The following XPO7 variants were observed in gnomAD, a reference collection of about 807,000 sequenced individuals.
XPO7 encodes exportin-7.
XPO7 carries 21 observed loss-of-function variants against 144.3 expected under a neutral mutation model. The observed-to-expected ratio is 0.15, with a 90% CI of 0.10 to 0.21. The LOEUF (loss-of-function observed/expected upper bound fraction) is 0.21. Ranked by LOEUF, XPO7 falls within the 10% of genes least tolerant of loss-of-function variation. The pLI is 1.00. For synonymous variants in XPO7, 580 were observed against 499.6 expected (o/e 1.16, Z -2.15); for missense variants, 808 against 1,325.8 (o/e 0.61, Z 6.06).
chr8:21,974,209 T>C (rs1175803717), intron 5 of XPO7, among the ~76,000 whole-genome samples: 1 of 139,312 alleles, frequency 7.2e-6, no homozygotes, highest in African/African-American at 2.6e-5. Context: ...TTATTTTTAT[T>C]TTTTTTAGTT....
intron 21 of XPO7, among the ~76,000 whole-genome samples, chr8:21,996,439 C>T (rs1421867022): frequency 6.6e-6 from 1 of 152,058 alleles, no homozygotes; most frequent in Non-Finnish European, 1.5e-5. Context: ...AAAAGAATCT[C>T]CAGATGTCTA....
chr8:21,924,357 C>T (rs1478699912), intron 1 of XPO7, among the ~76,000 whole-genome samples: 1 of 151,982 alleles, frequency 6.6e-6, no homozygotes, highest in South Asian at 2.1e-4. Context: ...AAAGTGAATA[C>T]TCCTTACTAA....
At chr8:21,937,073 A>G (rs1810844205) in intron 1 of XPO7, among the ~76,000 whole-genome samples, 1 of 152,188 alleles carries the variant, frequency 6.6e-6, no homozygotes, top group African/African-American at 2.4e-5. Flanking sequence ...ATTATACCTT[A>G]TTTTTAATGC....
At chr8:22,002,616 C>G (rs1374780231) in intron 25 of XPO7, among the ~76,000 whole-genome samples, 1 of 151,724 alleles carries the variant, frequency 6.6e-6, no homozygotes, top group Non-Finnish European at 1.5e-5. Context: ...GGCTTGTGTT[C>G]CTGTTTACAA....
Position 21,985,568 on chromosome 8 carries a change from G to T in XPO7, c.1472-18G>T. The T allele has an allele frequency of 1.2e-6, 2 of 1,609,414 alleles. No individual in the cohort carries two copies. Among genetic ancestry groups the T allele is most frequent in the Non-Finnish European group, 1.7e-6 (2 of 1,175,768 alleles). On this transcript the variant is annotated intron_variant, in intron 12 of 27. Transcript: ENST00000252512. ...AAACTATCACTGGAGGTGACACTGG[G>T]TCTGTCTCCTGCTGCAGGAAGGCTG...
chr8:21,985,824 G>C, intron 13 of XPO7, 133 bp downstream of exon 13: 2 of 705,168 alleles, frequency 2.8e-6, no homozygotes, highest in South Asian at 3.5e-5. Flanking sequence ...CAAGGCTTTT[G>C]TAAGTGCCAT....
chr8:21,959,437 T>C (rs1811647083), intron 1 of XPO7, among the ~76,000 whole-genome samples: 1 of 152,194 alleles, frequency 6.6e-6, no homozygotes. Context: ...TTTGAGTAAC[T>C]TAAGTCATGC....
At chr8:22,004,957 CACT>C in intron 27 of XPO7, 35 bp from the exon 28 acceptor site, 1 of 1,158,772 alleles carries the variant, frequency 8.6e-7, no homozygotes, top group Non-Finnish European at 1.2e-6. Context: ...CTTTCCCCCC[CACT>C]CTCCTCCCCC....
At position 21,970,171 on chromosome 8, in the gene XPO7, C is replaced by G; in HGVS notation, c.287C>G (p.Thr96Ser). Reference protein sequence around the residue: ...IRNYVLNYLATRPKLATFVTQ... With the variant: ...IRNYVLNYLASRPKLATFVTQ... ...AACTATGTGCTCAACTACCTTGCCA[C>G]TCGGCCGAAGTTGGCTACTTTCGTG... The change falls in exon 4 of 28, where the codon ACT (threonine) becomes AGT (serine). Residue 96 changes from threonine to serine, a missense_variant. By Grantham distance (58) the Thr-to-Ser change is moderately conservative (BLOSUM62 1). Coordinates refer to ENST00000252512, the MANE Select transcript of XPO7 (RefSeq NM_015024.5). 4 of 1,613,260 alleles carry G rather than the reference C, an allele frequency of 2.5e-6. No individual in the cohort carries two copies. The highest frequency in any genetic ancestry group is 3.4e-6 in the Non-Finnish European group (4 of 1,179,622).
At chr8:21,965,307 A>C (rs909357930) in intron 1 of XPO7, among the ~76,000 whole-genome samples, 1 of 152,180 alleles carries the variant, frequency 6.6e-6, no homozygotes, top group African/African-American at 2.4e-5. Flanking sequence ...GGCAAGCATA[A>C]AAATGGCTTT....
At chr8:21,955,974 G>A (rs1321430488) in intron 1 of XPO7, among the ~76,000 whole-genome samples, 4 of 152,058 alleles carry the variant, frequency 2.6e-5, no homozygotes, top group South Asian at 4.1e-4. Context: ...TGATCCACCC[G>A]CCTCAGCCTC....
chr8:21,990,202 TCA>T, intron 16 of XPO7, 140 bp from the exon 17 acceptor site: 4 of 771,426 alleles, frequency 5.2e-6, no homozygotes, highest in Admixed American at 5.0e-5. Flanking sequence ...ATGCATTTTT[TCA>T]TATTTGGCAG....
chr8:21,995,661 A>T, intron 21 of XPO7, 62 bp downstream of exon 21: 1 of 1,322,894 alleles, frequency 7.6e-7, no homozygotes, highest in African/African-American at 1.5e-5. Flanking sequence ...AATTTGCTGT[A>T]TCTAGTGCTT....
chr8:21,966,245 A>G (rs774529612), intron 1 of XPO7: 2 of 776,228 alleles, frequency 2.6e-6, no homozygotes, highest in Non-Finnish European at 4.8e-6. Flanking sequence ...TTTGGAACCA[A>G]AGTAAGAGTT....
chr8:21,998,163 C>T (rs1011370271), intron 21 of XPO7, among the ~76,000 whole-genome samples: 6 of 152,170 alleles, frequency 3.9e-5, no homozygotes, highest in South Asian at 2.1e-4. Context: ...TAATCAAGGC[C>T]GGGCACGGTG....
chr8:21,957,230 A>G (rs906840070), intron 1 of XPO7, among the ~76,000 whole-genome samples: 10 of 152,170 alleles, frequency 6.6e-5, no homozygotes, highest in Non-Finnish European at 1.2e-4. Flanking sequence ...CAGGGTGCCC[A>G]TAGCTTCAGA....
chr8:22,003,813 A>T, intron 26 of XPO7, 90 bp from the exon 27 acceptor site: 2 of 1,567,880 alleles, frequency 1.3e-6, no homozygotes, highest in Non-Finnish European at 1.7e-6. Context: ...TCCTCCTTAG[A>T]GAAGAACATT....
chr8:21,925,983 A>G (rs894232450), intron 1 of XPO7, among the ~76,000 whole-genome samples: 10 of 152,172 alleles, frequency 6.6e-5, no homozygotes, highest in African/African-American at 2.4e-4. Flanking sequence ...TATGCCCCAA[A>G]CAGTAACGAA....
chr8:21,944,066 A>G (rs1196059068), intron 1 of XPO7, among the ~76,000 whole-genome samples: 2 of 152,210 alleles, frequency 1.3e-5, no homozygotes, highest in African/African-American at 4.8e-5. Context: ...AATTTAATAT[A>G]GTCTCAAATA....
Sources: allele counts gnomAD v4.1 joint callset (sites outside exome capture counted in the v4.1 genomes callset), GRCh38; gene constraint gnomAD v4.1.1; transcripts MANE v1.5; gene names NCBI Gene and HGNC (gene_info 2026-07-23, HGNC 2026-07-21).